The following PIK3AP1 variants were observed in gnomAD, a reference collection of about 807,000 sequenced individuals.
PIK3AP1 encodes phosphoinositide 3-kinase adapter protein 1.
A neutral mutation model predicts 88.1 loss-of-function variants in PIK3AP1; 21 were observed. The observed-to-expected ratio is 0.24, with a 90% CI of 0.17 to 0.34. The LOEUF (loss-of-function observed/expected upper bound fraction) is 0.34, where lower values mean the gene tolerates loss of function less well. Ranked by LOEUF, PIK3AP1 falls within the 10% of genes least tolerant of loss-of-function variation. The pLI, the probability that PIK3AP1 is intolerant of heterozygous loss-of-function variation, is 1.00. For missense variants in PIK3AP1, 828 were observed against 1,035.7 expected (o/e 0.80, Z 2.75); for synonymous variants, 398 against 400.0 (o/e 1.00, Z 0.06).
chr10:96,637,318 A>T (rs10219044), intron 8 of PIK3AP1, among the ~76,000 whole-genome samples: 3,276 of 78,232 alleles, frequency 0.042, 59 homozygotes, highest in African/African-American at 0.088. Flanking sequence ...ATACAATCAC[A>T]CACACACACA....
chr10:96,608,117 C>T (rs1464007664), intron 14 of PIK3AP1, among the ~76,000 whole-genome samples: 1 of 152,118 alleles, frequency 6.6e-6, no homozygotes, highest in Non-Finnish European at 1.5e-5. Flanking sequence ...CCAGGCTATC[C>T]CCCAAAAAAC....
chr10:96,692,792 T>C (rs905734122), intron 2 of PIK3AP1, among the ~76,000 whole-genome samples: 3 of 152,226 alleles, frequency 2.0e-5, no homozygotes, highest in Non-Finnish European at 4.4e-5. Flanking sequence ...ATCAAAACTG[T>C]GTTAATATAA....
intron 2 of PIK3AP1, among the ~76,000 whole-genome samples, chr10:96,678,071 C>T (rs935421619): frequency 1.3e-5 from 2 of 152,064 alleles, no homozygotes; most frequent in Non-Finnish European, 2.9e-5. Flanking sequence ...TCAAATGATC[C>T]TCCTACCTCA....
intron 2 of PIK3AP1, among the ~76,000 whole-genome samples, chr10:96,677,004 G>C (rs989624211): frequency 6.6e-6 from 1 of 151,970 alleles, no homozygotes; most frequent in Non-Finnish European, 1.5e-5. Flanking sequence ...CTCAGGGCAG[G>C]AGAACAGGCC....
At chr10:96,697,991 A>G (rs1844244244) in intron 2 of PIK3AP1, among the ~76,000 whole-genome samples, 1 of 152,222 alleles carries the variant, frequency 6.6e-6, no homozygotes. Context: ...GACTTTCCAT[A>G]TCAACACAAA....
At chr10:96,711,211 A>T (rs918675012) in intron 1 of PIK3AP1, among the ~76,000 whole-genome samples, 1 of 152,212 alleles carries the variant, frequency 6.6e-6, no homozygotes, top group Non-Finnish European at 1.5e-5. Context: ...GCCAGAACTG[A>T]CACTCAGGTT....
intron 8 of PIK3AP1, among the ~76,000 whole-genome samples, chr10:96,635,049 A>G (rs1302770189): frequency 6.6e-6 from 1 of 152,044 alleles, no homozygotes; most frequent in Non-Finnish European, 1.5e-5. Context: ...ACTTTTAAGG[A>G]CCTTTTTGAT....
chr10:96,675,112 T>C (rs1843899996), intron 2 of PIK3AP1, among the ~76,000 whole-genome samples: 1 of 152,056 alleles, frequency 6.6e-6, no homozygotes, highest in African/African-American at 2.4e-5. Flanking sequence ...AGGCTGGCCT[T>C]GAACCCCTGA....
chr10:96,652,905 A>G, intron 3 of PIK3AP1, 63 bp from the exon 4 acceptor site: 3 of 1,562,930 alleles, frequency 1.9e-6, no homozygotes, highest in Non-Finnish European at 2.6e-6. Context: ...TGTTGGGCCC[A>G]AGGGTCTCCC....
chr10:96,697,548 T>G (rs1390863158), intron 2 of PIK3AP1, among the ~76,000 whole-genome samples: 1 of 152,020 alleles, frequency 6.6e-6, no homozygotes. Context: ...CATAGTGAGA[T>G]CCTATCTCTA....
At position 96,620,432 on chromosome 10, in the gene PIK3AP1, T is replaced by C. The variant is rs2134201180; in HGVS notation, c.1861A>G (p.Asn621Asp). Residue 621 changes from asparagine to aspartate, a missense_variant, in exon 12 of 17, where the codon AAC becomes GAC. Physicochemically the swap from Asn to Asp is conservative, Grantham distance 23. Transcript: ENST00000339364. ...LQEQVKLGIV[N>D]VDEAVLHFKE... ...AAGTGGAGCACAGCCTCATCCACGT[T>C]GACAATGCCCAGCTTCACCTGCTCC... The C allele has an allele frequency of 1.2e-6, 2 of 1,614,174 alleles. No individual in the cohort carries two copies. Among genetic ancestry groups the C allele is most frequent in the Non-Finnish European group, 8.5e-7 (1 of 1,180,018 alleles).
rs1770784723 is a variant in PIK3AP1 at position 96,656,852 on chromosome 10, C to T, written c.513G>A (p.Thr171=). ...CCATCAGGTTCCCAGGTGAAGTCACCGTCGGCAGGTTCTGCTGCTTCGAGT... is the reference window on the plus strand; with the variant it reads ...CCATCAGGTTCCCAGGTGAAGTCACTGTCGGCAGGTTCTGCTGCTTCGAGT... ...VSYSKQQNLP[T]VTSPGNLMVV... The change falls in exon 3 of 17, where the codon ACG becomes ACA. Residue 171 remains threonine, a synonymous_variant. Coordinates refer to ENST00000339364, the MANE Select transcript of PIK3AP1 (RefSeq NM_152309.3). 7 of 1,614,098 alleles carry T rather than the reference C, an allele frequency of 4.3e-6. No individual in the cohort carries two copies. The highest frequency in any genetic ancestry group is 1.7e-4 in the Middle Eastern group (1 of 6,060).
chr10:96,604,695 C>G (rs1028358252), intron 14 of PIK3AP1, among the ~76,000 whole-genome samples: 3 of 152,186 alleles, frequency 2.0e-5, no homozygotes, highest in Non-Finnish European at 4.4e-5. Context: ...TTCTGATTCT[C>G]AGCTCTTCAG....
At chr10:96,658,504 G>A (rs759520300) in intron 2 of PIK3AP1, among the ~76,000 whole-genome samples, 15 of 152,256 alleles carry the variant, frequency 9.9e-5, no homozygotes, top group South Asian at 4.1e-4. Flanking sequence ...CAGTACCACC[G>A]TATCCTATTG....
At position 96,693,625 on chromosome 10, in the gene PIK3AP1, G is replaced by T. The variant is rs115371485; in HGVS notation, c.430+15942C>A. ...GTAACACTTTCTTGGAAGTGACATT[G>T]CTCTGTTGACTCATGTCTTCAACTA... is the stretch of plus-strand genomic sequence containing the variant. On this transcript the variant is annotated intron_variant, in intron 2 of 16. Transcript: ENST00000339364. Among the ~76,000 whole-genome samples, 283 of 152,266 alleles carry T rather than the reference G, an allele frequency of 1.9e-3. 2 individuals are homozygous for T. The highest frequency in any genetic ancestry group is 6.7e-3 in the African/African-American group (279 of 41,540).
intron 2 of PIK3AP1, among the ~76,000 whole-genome samples, chr10:96,703,778 T>A (rs898377112): frequency 6.6e-6 from 1 of 152,186 alleles, no homozygotes; most frequent in Non-Finnish European, 1.5e-5. Flanking sequence ...TTAAAAAGGT[T>A]CTCGGGAATT....
intron 2 of PIK3AP1, among the ~76,000 whole-genome samples, chr10:96,693,440 A>G (rs75264066): frequency 1.7e-5 from 1 of 59,624 alleles, no homozygotes; most frequent in Non-Finnish European, 3.0e-5. Context: ...TAGATAGATG[A>G]GTGGATGGAT....
chr10:96,645,715 T>A, intron 7 of PIK3AP1, 53 bp from the exon 8 acceptor site: 1 of 1,506,452 alleles, frequency 6.6e-7, no homozygotes, highest in Non-Finnish European at 8.9e-7. Flanking sequence ...ACTTTCCGGG[T>A]GGAACTTGGC....
chr10:96,671,341 T>C (rs372181610), intron 2 of PIK3AP1, among the ~76,000 whole-genome samples: 1 of 152,214 alleles, frequency 6.6e-6, no homozygotes. Flanking sequence ...ACATCAAGAC[T>C]GCTTTTTCAT....
Sources: allele counts gnomAD v4.1 joint callset (sites outside exome capture counted in the v4.1 genomes callset), GRCh38; gene constraint gnomAD v4.1.1; transcripts MANE v1.5; gene names NCBI Gene and HGNC (gene_info 2026-07-23, HGNC 2026-07-21).